ASCC1: variants seen among roughly 807,000 people sequenced by gnomAD.
ASCC1 encodes activating signal cointegrator 1 complex subunit 1.
Under a neutral mutation model 46.6 loss-of-function variants are expected in ASCC1, and 35 were observed. The ratio of observed to expected loss-of-function variants is 0.75; its 90% confidence interval spans 0.57 to 0.99. ASCC1 has a LOEUF of 0.99. Ranked by LOEUF, ASCC1 falls within the 50% of genes least tolerant of loss-of-function variation. ASCC1 has a pLI of 0.00. For synonymous variants in ASCC1, 143 were observed against 146.6 expected (o/e 0.98, Z 0.18); for missense variants, 376 against 428.7 (o/e 0.88, Z 1.09).
chr10:72,196,130 C>T (rs1043755662), intron 5 of ASCC1, among the ~76,000 whole-genome samples: 1 of 152,074 alleles, frequency 6.6e-6, no homozygotes, highest in Non-Finnish European at 1.5e-5. Context: ...GGCAATTCTA[C>T]ATGCAAATTT....
intron 7 of ASCC1, among the ~76,000 whole-genome samples, chr10:72,135,619 G>C (rs1405289766): frequency 6.6e-6 from 1 of 152,182 alleles, no homozygotes; most frequent in Non-Finnish European, 1.5e-5. Flanking sequence ...AGTAGTTACA[G>C]AGTGAGGTGG....
chr10:72,152,179 T>TTTTTTG (rs1848432493), intron 7 of ASCC1, among the ~76,000 whole-genome samples: 2 of 150,952 alleles, frequency 1.3e-5, no homozygotes, highest in African/African-American at 4.9e-5. Context: ...TGGGTTTTTT[T>TTTTTTG]TTTTTTGTTT....
At chr10:72,209,667 C>T (rs1022445419) in intron 3 of ASCC1, among the ~76,000 whole-genome samples, 21 of 152,114 alleles carry the variant, frequency 1.4e-4, no homozygotes, top group African/African-American at 5.1e-4. Context: ...ACCTATTATC[C>T]CAGCTACTCA....
intron 7 of ASCC1, among the ~76,000 whole-genome samples, chr10:72,150,907 C>T (rs926257352): frequency 3.9e-5 from 6 of 152,206 alleles, no homozygotes; most frequent in Admixed American, 6.5e-5. Context: ...TACCATCTCA[C>T]ACCAGTTAGA....
At chr10:72,159,630 G>A (rs1439537467) in intron 6 of ASCC1, among the ~76,000 whole-genome samples, 1 of 152,246 alleles carries the variant, frequency 6.6e-6, no homozygotes, top group Admixed American at 6.5e-5. Flanking sequence ...GTAAAATAAA[G>A]CATAATGCTT....
intron 5 of ASCC1, among the ~76,000 whole-genome samples, chr10:72,168,423 C>A (rs187590269): frequency 0.015 from 2,260 of 152,294 alleles, 61 homozygotes; most frequent in African/African-American, 0.051. Flanking sequence ...CTTCACAATA[C>A]ACTCTGTTGG....
chr10:72,190,323 T>C (rs1854227145), intron 5 of ASCC1: 1 of 917,932 alleles, frequency 1.1e-6, no homozygotes, highest in Admixed American at 1.7e-5. Flanking sequence ...AAATATTGGA[T>C]TGGTGAAGAT....
intron 5 of ASCC1, among the ~76,000 whole-genome samples, chr10:72,187,719 CAAAAAAA>C (rs761851091): frequency 0.025 from 869 of 35,208 alleles, 12 homozygotes; most frequent in African/African-American, 0.087. Flanking sequence ...GAATCCGTCT[CAAAAAAA>C]AAAAAAAAAA....
At chr10:72,157,844 T>C (rs1849165215) in intron 6 of ASCC1, among the ~76,000 whole-genome samples, 1 of 152,230 alleles carries the variant, frequency 6.6e-6, no homozygotes, top group South Asian at 2.1e-4. Context: ...TATTTCTTTT[T>C]GTAATTTAGT....
intron 5 of ASCC1, among the ~76,000 whole-genome samples, chr10:72,173,962 A>T (rs1361838519): frequency 1.3e-5 from 2 of 152,268 alleles, no homozygotes; most frequent in Non-Finnish European, 2.9e-5. Context: ...AGCAGGGAGA[A>T]GCAAAGAGTG....
intron 5 of ASCC1, among the ~76,000 whole-genome samples, chr10:72,178,925 A>T (rs1352302093): frequency 1.3e-5 from 2 of 152,098 alleles, no homozygotes; most frequent in African/African-American, 4.8e-5. Context: ...TAATAATATC[A>T]ATTTTTTTTT....
intron 6 of ASCC1, among the ~76,000 whole-genome samples, chr10:72,156,608 T>C (rs1018032291): frequency 6.6e-6 from 1 of 151,786 alleles, no homozygotes; most frequent in African/African-American, 2.4e-5. Flanking sequence ...CCATCTCTAC[T>C]AAATATACAA....
At chr10:72,124,057 G>T (rs1319514399) in intron 9 of ASCC1, among the ~76,000 whole-genome samples, 2 of 152,092 alleles carry the variant, frequency 1.3e-5, no homozygotes, top group African/African-American at 4.8e-5. Context: ...CCTTTTAAAG[G>T]CTCTGAAGAA....
chr10:72,203,615 C>G, intron 3 of ASCC1, 91 bp from the exon 4 acceptor site: 1 of 953,926 alleles, frequency 1.0e-6, no homozygotes, highest in Non-Finnish European at 1.7e-6. Flanking sequence ...ACAAGAGATA[C>G]TCCCTTACAG....
At chr10:72,203,283 T>G in intron 4 of ASCC1, 144 bp downstream of exon 4, 1 of 673,816 alleles carries the variant, frequency 1.5e-6, no homozygotes. Flanking sequence ...CAAAACTCCG[T>G]CTCAAAAAAA....
chr10:72,183,598 G>A (rs541714789), intron 5 of ASCC1, among the ~76,000 whole-genome samples: 1 of 152,002 alleles, frequency 6.6e-6, no homozygotes, highest in South Asian at 2.1e-4. Flanking sequence ...GCAGTAAGCT[G>A]AGATTGCACC....
intron 5 of ASCC1, among the ~76,000 whole-genome samples, chr10:72,194,152 G>A (rs967254368): frequency 2.0e-5 from 3 of 151,944 alleles, no homozygotes; most frequent in Non-Finnish European, 4.4e-5. Context: ...CCAAAGTGCT[G>A]GGATTACGGG....
chr10:72,213,345 T>A lies in ASCC1; in HGVS notation c.-33-14A>T. The stretch of plus-strand genomic sequence containing the variant: ...TCCAATTATGCCCTGAAAAATATAA[T>A]TACCATCTTACCTTTCTTAGTGAGA... On this transcript the variant is annotated splice_polypyrimidine_tract_variant and intron_variant, in intron 1 of 9. Coordinates refer to ENST00000672957, the MANE Select transcript of ASCC1 (RefSeq NM_001198800.3). 7.5e-7 allele frequency: 1 copy of A among 1,328,728 alleles called. No homozygotes were observed. The highest frequency in any genetic ancestry group is 1.7e-5 in the Admixed American group (1 of 59,352). The allele number at this position is 1,328,728 out of a possible 1,614,324, so 82.3% of individuals were successfully genotyped here.
At chr10:72,136,426 ACT>A (rs1166619280) in intron 7 of ASCC1, among the ~76,000 whole-genome samples, 4 of 149,722 alleles carry the variant, frequency 2.7e-5, no homozygotes, top group Non-Finnish European at 4.5e-5. Flanking sequence ...ACCAATCAGC[ACT>A]CTGTGTCTAG....
Sources: allele counts gnomAD v4.1 joint callset (sites outside exome capture counted in the v4.1 genomes callset), GRCh38; gene constraint gnomAD v4.1.1; transcripts MANE v1.5; gene names NCBI Gene and HGNC (gene_info 2026-07-23, HGNC 2026-07-21).